Variants in WDR11 observed in about 807,000 individuals in gnomAD.
The protein encoded by WDR11 is WD repeat domain 11.
WDR11 carries 83 observed loss-of-function variants against 151.2 expected under a neutral mutation model. The observed-to-expected ratio is 0.55, with a 90% CI of 0.46 to 0.66. The LOEUF is 0.66. Ranked by LOEUF, WDR11 falls within the 30% of genes least tolerant of loss-of-function variation. WDR11 has a pLI of 0.00. For missense variants in WDR11, 1,301 were observed against 1,480.9 expected, an observed-to-expected ratio of 0.88 and a Z score of 1.99; for synonymous variants, 484 against 533.1, an observed-to-expected ratio of 0.91 and a Z score of 1.27.
intron 4 of WDR11, 89 bp downstream of exon 4, chr10:120,860,371 A>G (rs867676743): frequency 1.1e-5 from 16 of 1,443,180 alleles, no homozygotes; most frequent in Non-Finnish European, 1.4e-5. Context: ...CACACATTAT[A>G]CATCTATAAT....
intron 21 of WDR11, among the ~76,000 whole-genome samples, chr10:120,901,553 A>ATT (rs1847816059): frequency 6.6e-6 from 1 of 152,228 alleles, no homozygotes; most frequent in Non-Finnish European, 1.5e-5. Flanking sequence ...AGCCAAGGGC[A>ATT]TTTAACAGAA....
chr10:120,877,623 CACAAA>C (rs370551914), intron 11 of WDR11, among the ~76,000 whole-genome samples: 20 of 152,020 alleles, frequency 1.3e-4, no homozygotes, highest in East Asian at 1.9e-4. Flanking sequence ...TCTCAAAAAA[CACAAA>C]ACAAAACAAA....
chr10:120,874,712 CATCCAT>C (rs1303583648), intron 11 of WDR11, among the ~76,000 whole-genome samples: 2 of 151,990 alleles, frequency 1.3e-5, no homozygotes, highest in Non-Finnish European at 2.9e-5. Context: ...CTTCCAGCTC[CATCCAT>C]ATCCCTGCAA....
At chr10:120,869,863 C>T (rs1846469731) in intron 9 of WDR11, among the ~76,000 whole-genome samples, 1 of 152,138 alleles carries the variant, frequency 6.6e-6, no homozygotes, top group Non-Finnish European at 1.5e-5. Context: ...AATCTCGGCT[C>T]ATTGCAACCT....
chr10:120,894,599 A>G (rs1847540200), intron 19 of WDR11, among the ~76,000 whole-genome samples: 1 of 152,094 alleles, frequency 6.6e-6, no homozygotes, highest in South Asian at 2.1e-4. Flanking sequence ...GCTCACCTTA[A>G]TGTTGCCATT....
intron 11 of WDR11, among the ~76,000 whole-genome samples, chr10:120,874,208 G>GTTTTTTTTTTTTTTTTTTTTTTT (rs774703656): frequency 1.1e-5 from 1 of 91,896 alleles, no homozygotes; most frequent in Non-Finnish European, 2.2e-5. Context: ...TGTTGTTGTT[G>GTTTTTTTTTTTTTTTTTTTTTTT]TTTGTTTTGT....
chr10:120,908,173 C>A, intron 28 of WDR11: 1 of 248,160 alleles, frequency 4.0e-6, no homozygotes, highest in South Asian at 5.9e-5. Context: ...AATATCTGCC[C>A]CCAAACTGCC....
chr10:120,879,169 C>T (rs1846909336), intron 12 of WDR11: 1 of 152,036 alleles, frequency 6.6e-6, no homozygotes, highest in South Asian at 2.1e-4. Context: ...CCAATGAGAG[C>T]ATGTGTATGT....
At chr10:120,878,531 A>T (rs1846884689) in intron 12 of WDR11, 72 bp downstream of exon 12, 1 of 1,278,276 alleles carries the variant, frequency 7.8e-7, no homozygotes, top group African/African-American at 1.5e-5. Context: ...ACATGTTTGA[A>T]AGTACTTCTT....
chr10:120,854,691 A>G (rs970502499), intron 2 of WDR11, among the ~76,000 whole-genome samples: 41 of 152,094 alleles, frequency 2.7e-4, no homozygotes, highest in African/African-American at 9.7e-4. Flanking sequence ...AACCATCCTA[A>G]TGGGTATGAA....
At chr10:120,858,602 C>T (rs1312488491) in intron 2 of WDR11, 41 bp from the exon 3 acceptor site, 2 of 1,612,678 alleles carry the variant, frequency 1.2e-6, no homozygotes, top group Non-Finnish European at 1.7e-6. Context: ...CTGTTTCATC[C>T]AGCGCAAGTA....
chr10:120,890,988 CTTATT>C, intron 19 of WDR11, 101 bp downstream of exon 19: 2 of 1,259,810 alleles, frequency 1.6e-6, no homozygotes, highest in South Asian at 2.6e-5. Flanking sequence ...TCATTTCAGT[CTTATT>C]TTCTTAGAAT....
intron 3 of WDR11, 124 bp downstream of exon 3, chr10:120,858,920 G>T: frequency 8.2e-7 from 1 of 1,223,296 alleles, no homozygotes; most frequent in Non-Finnish European, 1.2e-6. Flanking sequence ...TCTTGATTGT[G>T]TTTTGCCTAT....
At position 120,899,978 on chromosome 10, in the gene WDR11, C is replaced by T. The variant is rs2289336; in HGVS notation, c.2516-51C>T. On this transcript the variant is annotated intron_variant, in intron 19 of 28. Coordinates refer to ENST00000263461, the MANE Select transcript of WDR11 (RefSeq NM_018117.12). The stretch of plus-strand genomic sequence containing the variant: ...TAAATGGTTTATAGCTGAAGCTTCA[C>T]TGTAGTATAAAACTTCATTTTATTT... The T allele has an allele frequency of 0.34, 500,983 of 1,457,094 alleles. 87,732 individuals are homozygous for T. Among genetic ancestry groups the T allele is most frequent in the Admixed American group, 0.5 (29,416 of 59,408 alleles). The allele number at this position is 1,457,094 out of a possible 1,614,324, so 90.3% of individuals were successfully genotyped here.
At chr10:120,900,482 T>G (rs1322293802) in intron 20 of WDR11, among the ~76,000 whole-genome samples, 3 of 152,212 alleles carry the variant, frequency 2.0e-5, no homozygotes, top group Non-Finnish European at 4.4e-5. Context: ...AAAAGCAGCA[T>G]CATTAGCTTC....
intron 19 of WDR11, 50 bp from the exon 20 acceptor site, chr10:120,899,979 T>C (rs770598751): frequency 3.4e-6 from 5 of 1,464,712 alleles, no homozygotes; most frequent in Non-Finnish European, 4.8e-6. Context: ...GAAGCTTCAC[T>C]GTAGTATAAA....
At chr10:120,867,464 G>C (rs11199607) in intron 9 of WDR11, among the ~76,000 whole-genome samples, 1 of 152,102 alleles carries the variant, frequency 6.6e-6, no homozygotes, top group South Asian at 2.1e-4. Context: ...ACCTAGAGCC[G>C]ATGCTGAGCT....
At chr10:120,868,462 CAAAA>C (rs951099350) in intron 9 of WDR11, among the ~76,000 whole-genome samples, 1 of 149,326 alleles carries the variant, frequency 6.7e-6, no homozygotes, top group African/African-American at 2.5e-5. Context: ...ATCTCAAAAA[CAAAA>C]AAAAAGCATT....
chr10:120,860,394 G>A (rs1041548669), intron 4 of WDR11, 112 bp downstream of exon 4: 1 of 1,249,940 alleles, frequency 8.0e-7, no homozygotes, highest in East Asian at 2.5e-5. Context: ...TAAAATGACT[G>A]AGCGAAGTGG....
Sources: gnomAD v4.1 joint callset for allele counts (sites outside exome capture counted in the v4.1 genomes callset) on GRCh38, gnomAD v4.1.1 for gene constraint, MANE v1.5 for transcripts, NCBI Gene and HGNC (gene_info 2026-07-23, HGNC 2026-07-21) for gene names.